SDK1: variants seen among roughly 807,000 people sequenced by gnomAD.
The protein encoded by SDK1 is sidekick cell adhesion molecule 1.
In SDK1, 157 loss-of-function variants were observed where a neutral mutation model predicts 245.5. The observed-to-expected ratio is 0.64, with a 90% CI of 0.56 to 0.73. The LOEUF (loss-of-function observed/expected upper bound fraction) is 0.73. SDK1 is among the 30% of genes least tolerant of loss of function. The pLI, the probability that SDK1 is intolerant of heterozygous loss-of-function variation, is 0.00. For synonymous variants in SDK1, 1,647 were observed against 1,278.5 expected (o/e 1.29, Z -6.15); for missense variants, 3,583 against 3,002.3 (o/e 1.19, Z -4.52).
At chr7:4,211,155 A>G (rs142706423) in intron 38 of SDK1, among the ~76,000 whole-genome samples, 1 of 152,206 alleles carries the variant, frequency 6.6e-6, no homozygotes, top group Non-Finnish European at 1.5e-5. Flanking sequence ...CCCCCGTCTC[A>G]GTGTCACGAT....
intron 1 of SDK1, among the ~76,000 whole-genome samples, chr7:3,463,203 T>A (rs567778912): frequency 6.6e-6 from 1 of 152,362 alleles, no homozygotes; most frequent in East Asian, 1.9e-4. Context: ...CATAGTCCTT[T>A]AGGTTTACAT....
chr7:4,245,882 GTCT>G, intron 44 of SDK1, 77 bp downstream of exon 44: 2 of 1,558,494 alleles, frequency 1.3e-6, no homozygotes, highest in East Asian at 2.3e-5. Flanking sequence ...CCCTCAGGCT[GTCT>G]TGTCCTATTT....
chr7:3,564,321 G>C (rs1311740555), intron 1 of SDK1, among the ~76,000 whole-genome samples: 2 of 151,938 alleles, frequency 1.3e-5, no homozygotes, highest in African/African-American at 4.8e-5. Flanking sequence ...CAAAAAGAAA[G>C]AAAAGAGAAG....
chr7:4,050,890 T>C (rs900049298), intron 18 of SDK1, among the ~76,000 whole-genome samples: 1 of 143,992 alleles, frequency 6.9e-6, no homozygotes, highest in Non-Finnish European at 1.5e-5. Context: ...ATATACCATA[T>C]AGTATATATT....
chr7:3,572,782 C>T (rs181486844), intron 1 of SDK1, among the ~76,000 whole-genome samples: 1 of 151,984 alleles, frequency 6.6e-6, no homozygotes, highest in Non-Finnish European at 1.5e-5. Context: ...GGGCTTCAGA[C>T]AAGTGCGTGG....
At chr7:3,572,090 A>G (rs911124668) in intron 1 of SDK1, among the ~76,000 whole-genome samples, 1 of 152,114 alleles carries the variant, frequency 6.6e-6, no homozygotes, top group African/African-American at 2.4e-5. Context: ...AGACTTTTAC[A>G]TCAGCAAGAA....
intron 4 of SDK1, among the ~76,000 whole-genome samples, chr7:3,657,981 G>T: frequency 6.6e-6 from 1 of 152,174 alleles, no homozygotes; most frequent in Non-Finnish European, 1.5e-5. Context: ...GTCTCAGCCT[G>T]CCCATGAGGG....
At chr7:3,585,205 G>T (rs1447011803) in intron 1 of SDK1, among the ~76,000 whole-genome samples, 1 of 152,176 alleles carries the variant, frequency 6.6e-6, no homozygotes, top group African/African-American at 2.4e-5. Flanking sequence ...TGCTAGAGAC[G>T]GGTGTTTCAC....
intron 1 of SDK1, among the ~76,000 whole-genome samples, chr7:3,472,968 G>C (rs1046480941): frequency 4.6e-5 from 7 of 152,286 alleles, no homozygotes; most frequent in Admixed American, 4.6e-4. Flanking sequence ...CCAGTGGTCT[G>C]CTATTTGACC....
At chr7:3,684,788 A>C (rs957626194) in intron 4 of SDK1, among the ~76,000 whole-genome samples, 2 of 152,148 alleles carry the variant, frequency 1.3e-5, no homozygotes, top group Non-Finnish European at 2.9e-5. Flanking sequence ...AAATCTTAGC[A>C]CAGAAATAAA....
chr7:4,240,139 C>A (rs1346820005), intron 42 of SDK1, among the ~76,000 whole-genome samples: 1 of 152,130 alleles, frequency 6.6e-6, no homozygotes, highest in African/African-American at 2.4e-5. Flanking sequence ...TGAGTTAATG[C>A]TATTACAGAA....
chr7:3,817,298 CCT>C (rs1358627651), intron 4 of SDK1, among the ~76,000 whole-genome samples: 1 of 152,128 alleles, frequency 6.6e-6, no homozygotes, highest in African/African-American at 2.4e-5. Flanking sequence ...TAAAGTGCCC[CCT>C]GTTACTTCTT....
At position 3,686,580 on chromosome 7, in the gene SDK1, T is replaced by C. The variant is rs76079513; in HGVS notation, c.713+44475T>C. ...AATGTGGGAAAGAATTTGGCAGTTTTTCATAAATCTAAATATGCAGGTACT... is the reference window on the plus strand; with the variant it reads ...AATGTGGGAAAGAATTTGGCAGTTTCTCATAAATCTAAATATGCAGGTACT... On this transcript the variant is annotated intron_variant, in intron 4 of 44. Coordinates refer to ENST00000404826, the MANE Select transcript of SDK1 (RefSeq NM_152744.4). Among the ~76,000 whole-genome samples, 181 of 152,294 alleles carry C rather than the reference T, an allele frequency of 1.2e-3. 1 individual carries two copies. Among genetic ancestry groups the C allele is most frequent in the African/African-American group, 4.2e-3 (176 of 41,558 alleles).
chr7:3,643,314 ACCCCTAC>A (rs2128652788), intron 4 of SDK1: 1 of 137,346 alleles, frequency 7.3e-6, no homozygotes, highest in African/African-American at 2.8e-5. Context: ...CTCATCTCCC[ACCCCTAC>A]CTGAGCATCT....
At chr7:3,873,231 G>T (rs990196072) in intron 5 of SDK1, among the ~76,000 whole-genome samples, 2 of 152,070 alleles carry the variant, frequency 1.3e-5, no homozygotes, top group African/African-American at 2.4e-5. Flanking sequence ...CCTGTATTGA[G>T]ATGTTTTTCT....
At chr7:3,816,231 GAACT>G (rs1179809713) in intron 4 of SDK1, among the ~76,000 whole-genome samples, 2 of 151,632 alleles carry the variant, frequency 1.3e-5, no homozygotes, top group Non-Finnish European at 2.9e-5. Context: ...CAGAGGGCAA[GAACT>G]AACTAAAATC....
rs1780308040 is a variant in SDK1, at chr7:3,576,820, A to G, written c.299-42260A>G. Among the ~76,000 whole-genome samples the G allele has an allele frequency of 2.0e-5, 3 of 152,138 alleles. No individual in the cohort carries two copies. The South Asian group carries it at 6.2e-4, about 32-fold the overall frequency. Reference sequence around the variant, plus strand: ...ATTCAGGCAGAAGGTATTTACTTGTAAATTATATACAGTGCATAGTCTCTG... The same window carrying G: ...ATTCAGGCAGAAGGTATTTACTTGTGAATTATATACAGTGCATAGTCTCTG... On this transcript the variant is annotated intron_variant, in intron 1 of 44. Transcript: ENST00000404826.
intron 17 of SDK1, among the ~76,000 whole-genome samples, chr7:4,028,478 G>A (rs1787537329): frequency 6.6e-6 from 1 of 152,226 alleles, no homozygotes; most frequent in Non-Finnish European, 1.5e-5. Flanking sequence ...AAACTCTGGT[G>A]GTTGGGTGGG....
intron 4 of SDK1, among the ~76,000 whole-genome samples, chr7:3,712,418 G>T (rs377435350): frequency 3.9e-5 from 6 of 152,262 alleles, no homozygotes; most frequent in African/African-American, 1.4e-4. Context: ...CTGATTCTGC[G>T]TTATGGTGAG....
Sources: allele counts gnomAD v4.1 joint callset (sites outside exome capture counted in the v4.1 genomes callset), GRCh38; gene constraint gnomAD v4.1.1; transcripts MANE v1.5; gene names NCBI Gene and HGNC (gene_info 2026-07-23, HGNC 2026-07-21).